Variants in RAB11FIP4 observed in about 807,000 individuals in gnomAD.
RAB11FIP4 encodes RAB11 family interacting protein 4, also known as rab11 family-interacting protein 4.
In RAB11FIP4, 23 loss-of-function variants were observed where a neutral mutation model predicts 74.3. The observed-to-expected ratio is 0.31, with a 90% confidence interval of 0.22 to 0.44. The LOEUF (loss-of-function observed/expected upper bound fraction) is 0.44, where lower values mean the gene tolerates loss of function less well. Among genes scored for constraint, RAB11FIP4 ranks in the 20% least tolerant of loss-of-function variants. The pLI is 1.00. For missense variants in RAB11FIP4, 630 were observed against 863.9 expected (o/e 0.73, Z 3.39); for synonymous variants, 360 against 359.9 (o/e 1.00, Z 0.00).
chr17:31,410,394 A>G (rs977336545), intron 1 of RAB11FIP4, among the ~76,000 whole-genome samples: 7 of 152,114 alleles, frequency 4.6e-5, no homozygotes, highest in Non-Finnish European at 1.0e-4. Flanking sequence ...GGGTAAATTG[A>G]AAAGGTGGTA....
Position 31,537,390 on chromosome 17 carries a change from G to T in RAB11FIP4, c.*5658G>T. 5.1e-6 allele frequency: 2 copies of T among 395,788 alleles called. No homozygotes were observed. The highest frequency in any genetic ancestry group is 4.5e-6 in the Non-Finnish European group (1 of 224,482). The allele number at this position is 395,788 out of a possible 1,614,324, so 24.5% of individuals were successfully genotyped here. A position where few individuals can be genotyped will look rare whatever the true frequency, so the allele number is the denominator to read the frequency against. On this transcript the variant is annotated 3_prime_UTR_variant, in exon 15 of 15. Transcript: ENST00000621161. ...TTCATTATTGTCTTAAGCATGGGGG[G>T]CTAGGACCCACTTAGTCCCTCCTCC...
chr17:31,399,074 C>T (rs1434606878), intron 1 of RAB11FIP4, among the ~76,000 whole-genome samples: 1 of 152,140 alleles, frequency 6.6e-6, no homozygotes, highest in Admixed American at 6.5e-5. Flanking sequence ...AGGGGTTCTG[C>T]CTCAGCCCTG....
intron 3 of RAB11FIP4, among the ~76,000 whole-genome samples, chr17:31,517,449 T>C (rs950897013): frequency 9.2e-5 from 14 of 152,078 alleles, no homozygotes; most frequent in African/African-American, 3.4e-4. Flanking sequence ...AGCTCCTCAC[T>C]AGATGCTCAT....
intron 3 of RAB11FIP4, among the ~76,000 whole-genome samples, chr17:31,458,059 G>A (rs2071596541): frequency 1.3e-5 from 2 of 152,216 alleles, no homozygotes; most frequent in Non-Finnish European, 2.9e-5. Flanking sequence ...CTGCCAAGTA[G>A]GTACTGTGGT....
At chr17:31,523,268 G>A (rs2142820543) in intron 7 of RAB11FIP4, 1 of 558,628 alleles carries the variant, frequency 1.8e-6, no homozygotes, top group Admixed American at 3.0e-5. Flanking sequence ...GGCCGCAGGA[G>A]AAGCTGTGCG....
At chr17:31,470,851 T>C (rs1214365169) in intron 3 of RAB11FIP4, among the ~76,000 whole-genome samples, 1 of 152,212 alleles carries the variant, frequency 6.6e-6, no homozygotes, top group African/African-American at 2.4e-5. Context: ...AGCTGAGTCA[T>C]GGCACTCATC....
intron 3 of RAB11FIP4, among the ~76,000 whole-genome samples, chr17:31,514,391 G>A (rs556981898): frequency 1.3e-5 from 2 of 152,350 alleles, no homozygotes; most frequent in Non-Finnish European, 2.9e-5. Flanking sequence ...TGGGCCCTCT[G>A]CCTGCCTCTG....
chr17:31,494,158 G>A (rs1000755552), intron 3 of RAB11FIP4, among the ~76,000 whole-genome samples: 4 of 152,152 alleles, frequency 2.6e-5, no homozygotes, highest in African/African-American at 9.7e-5. Flanking sequence ...TAGAGAGGCA[G>A]GCCAGTTTAG....
In RAB11FIP4 at chr17:31,436,756, TTTTTTTTGTTTTTTTTTG is replaced by T. The variant is rs1235584408; in HGVS notation, c.336+2641_336+2658del. Reference sequence around the variant, plus strand: ...GTTGCTTTGGGTTTTGTTTTTTGTTTTTTTTTTGTTTTTTTTTGTTTTTTGTTTTTTTTGTTTTTTTTG... The same window carrying T: ...GTTGCTTTGGGTTTTGTTTTTTGTTTTTTTTTGTTTTTTTTGTTTTTTTTG... On this transcript the variant is annotated intron_variant, in intron 3 of 14. Transcript: ENST00000621161. Among the ~76,000 whole-genome samples the T allele has an allele frequency of 1.3e-4, 5 of 37,206 alleles. No homozygotes were observed. The Admixed American group carries it at 1.5e-3, about 11-fold the overall frequency. The allele number at this position is 37,206 out of a possible 152,430, so 24.4% of individuals were successfully genotyped here.
chr17:31,398,746 A>G (rs2070955745), intron 1 of RAB11FIP4, among the ~76,000 whole-genome samples: 1 of 152,164 alleles, frequency 6.6e-6, no homozygotes, highest in Admixed American at 6.5e-5. Context: ...TAGCACCGGG[A>G]AGAAAACCAA....
chr17:31,391,729 C>G lies in RAB11FIP4; in HGVS notation c.-124C>G. ...GACACGGATCGGCCGCGGCCGCCAC[C>G]GGGCGGAGGCTGCGCGGCGCAGACC... On this transcript the variant is annotated 5_prime_UTR_variant, in exon 1 of 15. Coordinates refer to ENST00000621161, the MANE Select transcript of RAB11FIP4 (RefSeq NM_032932.6). 1 of 741,994 alleles carries G rather than the reference C, an allele frequency of 1.3e-6. No homozygotes were observed. The highest frequency in any genetic ancestry group is 1.6e-6 in the Non-Finnish European group (1 of 608,944). The allele number at this position is 741,994 out of a possible 1,614,324, so 46.0% of individuals were successfully genotyped here.
chr17:31,413,595 ACGCCC>A (rs1210772577), intron 1 of RAB11FIP4, among the ~76,000 whole-genome samples: 1 of 151,016 alleles, frequency 6.6e-6, no homozygotes, highest in East Asian at 1.9e-4. Flanking sequence ...GCTCACACCA[ACGCCC>A]CGCTTCTTGA....
At chr17:31,450,082 A>G (rs1267076630) in intron 3 of RAB11FIP4, among the ~76,000 whole-genome samples, 1 of 152,164 alleles carries the variant, frequency 6.6e-6, no homozygotes, top group African/African-American at 2.4e-5. Flanking sequence ...GATGTAGAAC[A>G]ATGGAACTTA....
chr17:31,504,457 A>G (rs2072280148), intron 3 of RAB11FIP4, among the ~76,000 whole-genome samples: 2 of 151,774 alleles, frequency 1.3e-5, no homozygotes, highest in Admixed American at 6.6e-5. Flanking sequence ...TGGTAGAGAC[A>G]GGGTTTCGCC....
At chr17:31,510,730 C>A (rs2343164) in intron 3 of RAB11FIP4, among the ~76,000 whole-genome samples, 105,044 of 152,046 alleles carry the variant, frequency 0.69, 36,941 homozygotes, top group African/African-American at 0.83. Flanking sequence ...TGGCTTCCTG[C>A]AGCCAAAAAA....
intron 3 of RAB11FIP4, among the ~76,000 whole-genome samples, chr17:31,469,794 A>G (rs879259674): frequency 2.0e-5 from 3 of 152,204 alleles, no homozygotes; most frequent in Non-Finnish European, 2.9e-5. Context: ...CCGTAAGGCA[A>G]TCTGGCATGG....
intron 3 of RAB11FIP4, among the ~76,000 whole-genome samples, chr17:31,487,667 G>C (rs551261767): frequency 6.6e-6 from 1 of 152,042 alleles, no homozygotes; most frequent in Non-Finnish European, 1.5e-5. Flanking sequence ...TGTGAGCCGG[G>C]GAGCGCCGGC....
chr17:31,528,572 C>T, intron 12 of RAB11FIP4, 29 bp downstream of exon 12: 1 of 1,613,480 alleles, frequency 6.2e-7, no homozygotes, highest in Non-Finnish European at 8.5e-7. Flanking sequence ...GGCACCAGGG[C>T]TCCTTCCAGC....
intron 3 of RAB11FIP4, among the ~76,000 whole-genome samples, chr17:31,453,371 A>G (rs974930754): frequency 7.0e-6 from 1 of 142,950 alleles, no homozygotes; most frequent in African/African-American, 2.9e-5. Flanking sequence ...AAAAAAAAAA[A>G]AAAAAAAAAC....
Sources: gnomAD v4.1 joint callset for allele counts (sites outside exome capture counted in the v4.1 genomes callset) on GRCh38, gnomAD v4.1.1 for gene constraint, MANE v1.5 for transcripts, NCBI Gene and HGNC (gene_info 2026-07-23, HGNC 2026-07-21) for gene names.